Variants in CCDC157 observed in about 807,000 individuals in gnomAD.
CCDC157 encodes coiled-coil domain-containing protein 157.
A neutral mutation model predicts 70.9 loss-of-function variants in CCDC157; 60 were observed. That is an observed-to-expected ratio of 0.85 (90% CI 0.69 to 1.05). The LOEUF is 1.05. Ranked by LOEUF, CCDC157 falls within the 50% of genes least tolerant of loss-of-function variation. The pLI is 0.00. For synonymous variants in CCDC157, 373 were observed against 422.4 expected, an observed-to-expected ratio of 0.88 and a Z score of 1.43; for missense variants, 943 against 984.2, an observed-to-expected ratio of 0.96 and a Z score of 0.56.
Position 30,373,595 on chromosome 22 carries a change from AGTCTCT to A in CCDC157, c.1336_1341del (p.Ser446_Leu447del). 6.4e-7 allele frequency: 1 copy of A among 1,553,598 alleles called. No individual in the cohort carries two copies. The highest frequency in any genetic ancestry group is 1.2e-5 in the South Asian group (1 of 84,308). On this transcript the variant is annotated splice_acceptor_variant and coding_sequence_variant, in exon 8 of 12. Coordinates refer to ENST00000338306, the MANE Select transcript of CCDC157 (RefSeq NM_001017437.5). LOFTEE classifies it high-confidence loss of function. ...CCTCCCTGCTTGTCCGTTCCTGCTTAGTCTCTGCAGGCCAAGCAGCGAGCCCTGCTA... is the reference window on the plus strand; with the variant it reads ...CCTCCCTGCTTGTCCGTTCCTGCTTAGCAGGCCAAGCAGCGAGCCCTGCTA...
At chr22:30,356,891 T>C, upstream of CCDC157, 3 of 1,086,726 alleles carry the variant, frequency 2.8e-6, no homozygotes, top group Non-Finnish European at 3.5e-6. Flanking sequence ...GCTCGCAAGA[T>C]GGCGGCGGCC....
At chr22:30,372,381 G>C (rs1313687021) in intron 7 of CCDC157, 95 bp downstream of exon 7, 1 of 1,417,984 alleles carries the variant, frequency 7.1e-7, no homozygotes, top group Non-Finnish European at 9.2e-7. Context: ...ATCTATATTG[G>C]GCATCTGCTC....
chr22:30,359,993 A>G (rs1932217464), intron 1 of CCDC157, among the ~76,000 whole-genome samples: 1 of 152,140 alleles, frequency 6.6e-6, no homozygotes, highest in Non-Finnish European at 1.5e-5. Context: ...AAAAACAAAA[A>G]AATTAGCCAG....
In CCDC157 at chr22:30,373,957, GC is replaced by G. The variant is rs1470401689; in HGVS notation, c.1540del (p.Leu514TrpfsTer10). The G allele has an allele frequency of 1.1e-5, 18 of 1,612,528 alleles. No homozygotes were observed. The highest frequency in any genetic ancestry group is 1.5e-5 in the Non-Finnish European group (18 of 1,179,496). On this transcript the variant is annotated frameshift_variant, in exon 9 of 12. Transcript: ENST00000338306. LOFTEE classifies it high-confidence loss of function. The stretch of plus-strand genomic sequence containing the variant: ...CAGAGCCTGCAGAGGGAGAAGCAAG[GC>G]CTGGAGCAGGCGACTACGGACCTGC... The part of the protein sequence containing the change: ...LLQSLQREKQ[G>X]LEQATTDLRL...
Position 30,373,710 on chromosome 22 carries a change from G to A in CCDC157, c.1449G>A (p.Glu483=), listed in dbSNP as rs753736532. ...CTGAGGCCCAGCGGGCCCGCGTGGAGGAGCAGCTGCAGAGCGAGCGGGAGC... is the reference window on the plus strand; with the variant it reads ...CTGAGGCCCAGCGGGCCCGCGTGGAAGAGCAGCTGCAGAGCGAGCGGGAGC... The part of the protein sequence containing the change: ...DEAEAQRARV[E]EQLQSEREQG... Residue 483 remains glutamate (E), a synonymous_variant, in exon 8 of 12, where the codon GAG becomes GAA. Coordinates refer to ENST00000338306, the MANE Select transcript of CCDC157 (RefSeq NM_001017437.5). The A allele has an allele frequency of 1.2e-5, 19 of 1,553,378 alleles. No homozygotes were observed. Among genetic ancestry groups the A allele is most frequent in the Non-Finnish European group, 1.7e-5 (19 of 1,148,904 alleles).
chr22:30,378,156 A>G lies in CCDC157; in HGVS notation c.*1411A>G. The G allele has an allele frequency of 2.1e-6, 1 of 470,980 alleles. No homozygotes were observed. Among genetic ancestry groups the G allele is most frequent in the Non-Finnish European group, 4.4e-6 (1 of 226,968 alleles). 29.2% of individuals were successfully genotyped at this position (470,980 alleles called of 1,614,324 possible). A position where few individuals can be genotyped will look rare whatever the true frequency, so the allele number is the denominator to read the frequency against. On this transcript the variant is annotated 3_prime_UTR_variant, in exon 12 of 12. Transcript: ENST00000338306. ...GGCTCCCTCCATCTTCAAGTCAACA[A>G]CAGAGGATTTCTCATGTGCTGAATC... is the stretch of plus-strand genomic sequence containing the variant.
rs1251577050 is a variant in CCDC157 at position 30,372,255 on chromosome 22, C to T, written c.1304C>T (p.Ala435Val). Residue 435 changes from alanine (A) to valine (V), a missense_variant, in exon 7 of 12, where the codon GCC becomes GTC. By Grantham distance (64) the Ala-to-Val change is moderately conservative. Transcript: ENST00000338306. ...WASTELDKEK[A>V]RVDSMVRHQE... ...AGCACGGAGCTGGATAAGGAGAAGG[C>T]CCGTGTCGACAGCATGGTCCGCCAC... 1 of 1,588,756 alleles carries T rather than the reference C, an allele frequency of 6.3e-7. No individual in the cohort carries two copies. Among genetic ancestry groups the T allele is most frequent in the Non-Finnish European group, 8.5e-7 (1 of 1,169,886 alleles).
At chr22:30,365,058 G>T (rs1932628227) in intron 2 of CCDC157, among the ~76,000 whole-genome samples, 1 of 152,206 alleles carries the variant, frequency 6.6e-6, no homozygotes. Context: ...AGGGACTAAG[G>T]TGGCTCAGAG....
chr22:30,371,032 C>A, intron 5 of CCDC157, 82 bp downstream of exon 5: 1 of 1,476,796 alleles, frequency 6.8e-7, no homozygotes, highest in East Asian at 2.4e-5. Flanking sequence ...ACAGGGCTTC[C>A]AGGGCAAGTG....
Position 30,370,325 on chromosome 22 carries a change from G to C in CCDC157, c.421-1G>C, listed in dbSNP as rs1932878929. 1 of 1,612,722 alleles carries C rather than the reference G, an allele frequency of 6.2e-7. No individual in the cohort carries two copies. The highest frequency in any genetic ancestry group is 1.7e-5 in the Admixed American group (1 of 59,956). On this transcript the variant is annotated splice_acceptor_variant, in intron 4 of 11. Transcript: ENST00000338306. LOFTEE classifies it high-confidence loss of function. The stretch of plus-strand genomic sequence containing the variant: ...TTTCCCTTGTCTTTTTCTGAACACA[G>C]AAAGGGGCAAACCAAAGGGAGACTC...
chr22:30,371,249 G>A, intron 5 of CCDC157: 1 of 512,258 alleles, frequency 2.0e-6, no homozygotes, highest in Admixed American at 3.3e-5. Context: ...GTCATTGAGG[G>A]CTACTTCCAG....
At chr22:30,371,081 G>A (rs1047148206) in intron 5 of CCDC157, 131 bp downstream of exon 5, 79 of 1,144,140 alleles carry the variant, frequency 6.9e-5, no homozygotes, top group Non-Finnish European at 8.6e-5. Flanking sequence ...ACAGGCAAGA[G>A]GCAGGGAAGG....
Position 30,375,658 on chromosome 22 carries a change from C to T in CCDC157, c.1852C>T (p.Leu618Phe). 1 of 1,612,458 alleles carries T rather than the reference C, an allele frequency of 6.2e-7. No individual in the cohort carries two copies. The highest frequency in any genetic ancestry group is 8.5e-7 in the Non-Finnish European group (1 of 1,179,122). ...CCGGGAAGTGGCCCAGCAGGGTGGC[C>T]TCAAGGTGGGCCTGAGAGGGCGGGC... ...KIREVAQQGG[L>F]KLIPQDRLWS... The change falls in exon 10 of 12, where the codon CTC (leucine) becomes TTC (phenylalanine). Residue 618 changes from leucine (L) to phenylalanine (F), a missense_variant. Coordinates refer to ENST00000338306, the MANE Select transcript of CCDC157 (RefSeq NM_001017437.5).
rs999515786 is a variant in CCDC157 at position 30,377,068 on chromosome 22, C to T, written c.*323C>T. On this transcript the variant is annotated 3_prime_UTR_variant, in exon 12 of 12. Coordinates refer to ENST00000338306, the MANE Select transcript of CCDC157 (RefSeq NM_001017437.5). Reference sequence around the variant, plus strand: ...CAGGTGAAGGTCCGTTTTTCTATCCCCAGAGCAAGGGTCGAGGGGTGAACC... The same window carrying T: ...CAGGTGAAGGTCCGTTTTTCTATCCTCAGAGCAAGGGTCGAGGGGTGAACC... The T allele has an allele frequency of 1.5e-5, 6 of 406,912 alleles. No homozygotes were observed. Among genetic ancestry groups the T allele is most frequent in the South Asian group, 3.2e-5 (1 of 31,504 alleles). The allele number at this position is 406,912 out of a possible 1,614,324, so 25.2% of individuals were successfully genotyped here.
intron 4 of CCDC157, chr22:30,369,954 G>C: frequency 2.1e-6 from 1 of 467,636 alleles, no homozygotes; most frequent in Non-Finnish European, 3.8e-6. Flanking sequence ...AAGAACCACT[G>C]TTCCCATGAT....
intron 7 of CCDC157, 172 bp downstream of exon 7, chr22:30,372,458 G>T: frequency 2.1e-6 from 2 of 948,628 alleles, no homozygotes; most frequent in Non-Finnish European, 3.0e-6. Flanking sequence ...ACCAGGCACT[G>T]GGGGAACAGT....
At chr22:30,373,431 C>T (rs1265966960) in intron 7 of CCDC157, 166 bp from the exon 8 acceptor site, 6 of 724,992 alleles carry the variant, frequency 8.3e-6, no homozygotes, top group East Asian at 2.8e-5. Context: ...CAGCTTCCCC[C>T]GACCCCTACC....
At chr22:30,373,408 A>C in intron 7 of CCDC157, 189 bp from the exon 8 acceptor site, 1 of 622,756 alleles carries the variant, frequency 1.6e-6, no homozygotes, top group Non-Finnish European at 2.8e-6. Context: ...TCCGGTGTGC[A>C]TCTGCCTGCT....
At chr22:30,374,396 A>G (rs772803220) in intron 9 of CCDC157, 3 of 569,608 alleles carry the variant, frequency 5.3e-6, no homozygotes, top group South Asian at 4.6e-5. Context: ...GTCACATGCT[A>G]ATTCTTGCTC....
Sources: gnomAD v4.1 joint callset for allele counts (sites outside exome capture counted in the v4.1 genomes callset) on GRCh38, gnomAD v4.1.1 for gene constraint, MANE v1.5 for transcripts, NCBI Gene and HGNC (gene_info 2026-07-23, HGNC 2026-07-21) for gene names.